The following MIPOL1 variants were observed in gnomAD, a reference collection of about 807,000 sequenced individuals.
MIPOL1 encodes the protein mirror-image polydactyly 1, also known as mirror-image polydactyly gene 1 protein.
Under a neutral mutation model 60.9 loss-of-function variants are expected in MIPOL1, and 57 were observed. That is an observed-to-expected ratio of 0.94 (90% CI 0.76 to 1.17). The LOEUF is 1.17. MIPOL1 is among the 50% of genes most tolerant of loss of function. The pLI, the probability that MIPOL1 is intolerant of heterozygous loss-of-function variation, is 0.00. For missense variants in MIPOL1, 551 were observed against 511.6 expected (o/e 1.08, Z -0.74); for synonymous variants, 179 against 168.8 (o/e 1.06, Z -0.47).
intron 10 of MIPOL1, among the ~76,000 whole-genome samples, chr14:37,380,060 G>T (rs1303100656): frequency 2.0e-5 from 3 of 152,024 alleles, no homozygotes; most frequent in African/African-American, 7.2e-5. Flanking sequence ...AAAGGGAAGG[G>T]AGCTAAGTCA....
intron 7 of MIPOL1, 151 bp from the exon 8 acceptor site, chr14:37,307,905 C>T: frequency 1.6e-6 from 1 of 615,850 alleles, no homozygotes; most frequent in Non-Finnish European, 2.9e-6. Context: ...TGGAGTCGAG[C>T]AGGTGGCACT....
downstream of MIPOL1, chr14:37,552,228 G>A (rs531349774): frequency 3.9e-5 from 6 of 152,030 alleles, no homozygotes; most frequent in East Asian, 1.9e-4. Context: ...GTTTCATCAC[G>A]TATGACCTTT....
chr14:37,369,539 T>G lies in MIPOL1; in HGVS notation c.851T>G (p.Leu284Arg). 6.2e-7 allele frequency: 1 copy of G among 1,613,068 alleles called. No homozygotes were observed. The highest frequency in any genetic ancestry group is 1.1e-5 in the South Asian group (1 of 91,024). ...CAGTGCAAACGGTTAGAGCAGGAGC[T>G]TCATCATGTGAAAGAGCAGAACCAG... is the stretch of plus-strand genomic sequence containing the variant. ...LSKCKRLEQE[L>R]HHVKEQNQTS... Residue 284 changes from leucine (L) to arginine (R), a missense_variant, in exon 10 of 13, where the codon CTT becomes CGT. Transcript: ENST00000684589.
At chr14:37,494,650 T>A (rs1477395732) in intron 11 of MIPOL1, among the ~76,000 whole-genome samples, 1 of 152,226 alleles carries the variant, frequency 6.6e-6, no homozygotes, top group African/African-American at 2.4e-5. Context: ...CTGCTACATG[T>A]ATTAAATTAC....
intron 9 of MIPOL1, among the ~76,000 whole-genome samples, chr14:37,349,592 G>A (rs564022885): frequency 6.6e-6 from 1 of 152,206 alleles, no homozygotes; most frequent in Non-Finnish European, 1.5e-5. Context: ...AGATATGCAA[G>A]ATTTACTGCT....
intron 10 of MIPOL1, among the ~76,000 whole-genome samples, chr14:37,397,883 C>A (rs899483615): frequency 6.6e-6 from 1 of 152,126 alleles, no homozygotes; most frequent in African/African-American, 2.4e-5. Flanking sequence ...TAAGAACTTA[C>A]CCCAGGCTAC....
At chr14:37,298,466 G>T (rs1340638533) in intron 7 of MIPOL1, among the ~76,000 whole-genome samples, 23 of 152,044 alleles carry the variant, frequency 1.5e-4, no homozygotes, top group African/African-American at 4.6e-4. Context: ...CTAATTAAAT[G>T]AAAGAGCTTC....
intron 9 of MIPOL1, among the ~76,000 whole-genome samples, chr14:37,325,204 C>G (rs1301500023): frequency 3.3e-5 from 5 of 152,026 alleles, no homozygotes; most frequent in African/African-American, 1.2e-4. Flanking sequence ...ACAATCTGCT[C>G]CAAATTAATA....
At chr14:37,277,357 A>G (rs2083743783) in intron 6 of MIPOL1, 1 of 151,220 alleles carries the variant, frequency 6.6e-6, no homozygotes. Context: ...GTAAATAAAA[A>G]TTTTTTAAGT....
At chr14:37,281,789 G>A (rs1178852648) in intron 6 of MIPOL1, among the ~76,000 whole-genome samples, 2 of 152,136 alleles carry the variant, frequency 1.3e-5, no homozygotes, top group Non-Finnish European at 2.9e-5. Context: ...GGGGTCTTTT[G>A]TGATTCCATA....
At chr14:37,336,583 T>C (rs1406107996) in intron 9 of MIPOL1, among the ~76,000 whole-genome samples, 1 of 151,948 alleles carries the variant, frequency 6.6e-6, no homozygotes, top group Non-Finnish European at 1.5e-5. Flanking sequence ...TTCCCTGATG[T>C]CTACTTTATC....
chr14:37,318,791 TTTTATTTATTTA>T (rs149083164), intron 9 of MIPOL1, among the ~76,000 whole-genome samples: 3,477 of 149,794 alleles, frequency 0.023, 124 homozygotes, highest in African/African-American at 0.076. Flanking sequence ...TTTTACTTCA[TTTTATTTATTTA>T]TTTATTTATT....
At chr14:37,298,092 C>A (rs2085946753) in intron 7 of MIPOL1, among the ~76,000 whole-genome samples, 2 of 152,234 alleles carry the variant, frequency 1.3e-5, no homozygotes, top group Admixed American at 1.3e-4. Context: ...GGTGCTGGTA[C>A]CAAAACAGAG....
At chr14:37,321,748 A>G (rs772532245) in intron 9 of MIPOL1, among the ~76,000 whole-genome samples, 12 of 151,916 alleles carry the variant, frequency 7.9e-5, no homozygotes, top group Non-Finnish European at 1.6e-4. Flanking sequence ...TTTTGAAGCC[A>G]TTTTATTATG....
At chr14:37,371,604 C>CA (rs1385973688) in intron 10 of MIPOL1, among the ~76,000 whole-genome samples, 1 of 151,964 alleles carries the variant, frequency 6.6e-6, no homozygotes, top group African/African-American at 2.4e-5. Flanking sequence ...CTCATCAACT[C>CA]AATCTTTTTT....
chr14:37,272,542 T>C (rs1439160724), intron 6 of MIPOL1, among the ~76,000 whole-genome samples: 1 of 151,576 alleles, frequency 6.6e-6, no homozygotes, highest in Admixed American at 6.6e-5. Context: ...AATAAACTTA[T>C]TTTCTATCTG....
chr14:37,428,833 T>C (rs2153557420), intron 11 of MIPOL1, among the ~76,000 whole-genome samples: 1 of 152,170 alleles, frequency 6.6e-6, no homozygotes, highest in East Asian at 1.9e-4. Context: ...GAAAATGAAG[T>C]GTTGGTCTTT....
At chr14:37,476,814 T>A (rs965936005) in intron 11 of MIPOL1, among the ~76,000 whole-genome samples, 2 of 152,068 alleles carry the variant, frequency 1.3e-5, no homozygotes, top group African/African-American at 4.8e-5. Flanking sequence ...ATATATTTTG[T>A]TGGATTTAAT....
At chr14:37,339,106 C>T (rs1354720923) in intron 9 of MIPOL1, among the ~76,000 whole-genome samples, 1 of 152,090 alleles carries the variant, frequency 6.6e-6, no homozygotes. Flanking sequence ...GTACTAAATG[C>T]ATATTTAATC....
Sources: gnomAD v4.1 joint callset for allele counts (sites outside exome capture counted in the v4.1 genomes callset) on GRCh38, gnomAD v4.1.1 for gene constraint, MANE v1.5 for transcripts, NCBI Gene and HGNC (gene_info 2026-07-23, HGNC 2026-07-21) for gene names.